Variants in CACNG7 observed in about 807,000 individuals in gnomAD.
CACNG7 encodes the protein voltage-dependent calcium channel gamma-7 subunit.
A neutral mutation model predicts 26.3 loss-of-function variants in CACNG7; 9 were observed. The observed-to-expected ratio is 0.34, with a 90% confidence interval of 0.21 to 0.60. The LOEUF (loss-of-function observed/expected upper bound fraction) is 0.60. CACNG7 is among the 20% of genes least tolerant of loss of function. The pLI is 0.81. For missense variants in CACNG7, 297 were observed against 380.4 expected, an observed-to-expected ratio of 0.78 and a Z score of 1.82; for synonymous variants, 170 against 157.0, an observed-to-expected ratio of 1.08 and a Z score of -0.62.
At chr19:53,921,417 T>C (rs1487950071) in intron 4 of CACNG7, among the ~76,000 whole-genome samples, 5 of 145,224 alleles carry the variant, frequency 3.4e-5, no homozygotes, top group African/African-American at 1.3e-4. Flanking sequence ...ATTGGTGGAG[T>C]TGCCCCAGGC....
rs1257740186 is a variant in CACNG7, at chr19:53,939,409, C to T, written c.425-2061C>T. On this transcript the variant is annotated intron_variant, in intron 4 of 5. Transcript: ENST00000391767. The surrounding 1 kb of genome is among the most constrained non-coding windows in gnomAD (Gnocchi z 4.2). ...CATTTTCATTATTCTCAAAAGAAACCTCACACACCTTAGCAGCCAGACACA... is the reference window on the plus strand; with the variant it reads ...CATTTTCATTATTCTCAAAAGAAACTTCACACACCTTAGCAGCCAGACACA... Among the ~76,000 whole-genome samples, 1 of 152,126 alleles carries T rather than the reference C, an allele frequency of 6.6e-6. No individual in the cohort carries two copies. Among genetic ancestry groups the T allele is most frequent in the Admixed American group, 6.6e-5 (1 of 15,266 alleles).
intron 4 of CACNG7, among the ~76,000 whole-genome samples, chr19:53,936,788 T>C (rs1242254360): frequency 1.3e-5 from 2 of 152,148 alleles, no homozygotes; most frequent in African/African-American, 4.8e-5. Flanking sequence ...TTTGTATTTT[T>C]AGTAGAGATC....
At chr19:53,921,363 C>T (rs867331736) in intron 4 of CACNG7, among the ~76,000 whole-genome samples, 48 of 86,890 alleles carry the variant, frequency 5.5e-4, no homozygotes, top group South Asian at 1.6e-3. Flanking sequence ...TTGGTGGAGT[C>T]GTCCCCAGGT....
intron 4 of CACNG7, among the ~76,000 whole-genome samples, chr19:53,933,965 T>G (rs1334728843): frequency 1.3e-5 from 2 of 152,150 alleles, no homozygotes; most frequent in Non-Finnish European, 2.9e-5. Flanking sequence ...TGGCGCAATC[T>G]CAGCTCATTG....
intron 4 of CACNG7, among the ~76,000 whole-genome samples, chr19:53,919,921 T>C (rs1282063799): frequency 8.6e-6 from 1 of 116,846 alleles, no homozygotes; most frequent in African/African-American, 3.7e-5. Flanking sequence ...ATTGGTGGAG[T>C]TGTCCCCAGG....
chr19:53,920,214 GTTGCCCCAGGCTGGTCATTGGTGGAC>G (rs2068931578), intron 4 of CACNG7, among the ~76,000 whole-genome samples: 1 of 46,714 alleles, frequency 2.1e-5, no homozygotes, highest in Non-Finnish European at 3.6e-5. Context: ...CATTGGTGGA[GTTGCCCCAGGCTGGTCATTGGTGGAC>G]TTGCCCCAGG....
intron 4 of CACNG7, among the ~76,000 whole-genome samples, chr19:53,925,487 G>A (rs2069021551): frequency 6.7e-6 from 1 of 150,002 alleles, no homozygotes; most frequent in African/African-American, 2.5e-5. Flanking sequence ...GCCCCAGGCT[G>A]GTCATTGGTG....
At chr19:53,923,656 CCCCAGGTCTGGTCATTGGTGGAGTTGT>C (rs2068988540) in intron 4 of CACNG7, among the ~76,000 whole-genome samples, 1 of 130,818 alleles carries the variant, frequency 7.6e-6, no homozygotes, top group Non-Finnish European at 1.6e-5. Context: ...GGTGCAGTTG[CCCCAGGTCTGGTCATTGGTGGAGTTGT>C]CCCAGGCCTG....
At chr19:53,910,264 C>T (rs1299139399) in intron 1 of CACNG7, among the ~76,000 whole-genome samples, 1 of 151,504 alleles carries the variant, frequency 6.6e-6, no homozygotes, top group African/African-American at 2.4e-5. Flanking sequence ...GGGGACCAGG[C>T]AGCTCGCGGT....
intron 5 of CACNG7, among the ~76,000 whole-genome samples, 169 bp from the exon 6 acceptor site, chr19:53,941,867 T>TGGACTCCTGAGGTCCC (rs1452750456): frequency 3.3e-5 from 5 of 151,712 alleles, no homozygotes; most frequent in African/African-American, 1.2e-4. Flanking sequence ...CCTGAGGGCT[T>TGGACTCCTGAGGTCCC]GGACTCCTGA....
At chr19:53,920,936 C>G (rs1209140347) in intron 4 of CACNG7, among the ~76,000 whole-genome samples, 23 of 86,082 alleles carry the variant, frequency 2.7e-4, no homozygotes, top group South Asian at 4.1e-4. Context: ...CATTGGTGGA[C>G]TTGCCCCAGG....
At position 53,939,142 on chromosome 19, in the gene CACNG7, C is replaced by T. The variant is rs2069122898; in HGVS notation, c.425-2328C>T. The stretch of plus-strand genomic sequence containing the variant: ...CATGGTGGCGGGTGCCTGTTAATTC[C>T]AGCTACGCAGGAGGCTGAGGCAGGA... On this transcript the variant is annotated intron_variant, in intron 4 of 5. Coordinates refer to ENST00000391767, the MANE Select transcript of CACNG7 (RefSeq NM_031896.5). This position sits in a 1 kb window ranked among gnomAD's most constrained non-coding sequence, Gnocchi z 4.2. 6.6e-6 allele frequency among the ~76,000 whole-genome samples: 1 copy of T among 152,088 alleles called. No individual in the cohort carries two copies. Among genetic ancestry groups the T allele is most frequent in the Admixed American group, 6.6e-5 (1 of 15,246 alleles).
At position 53,940,354 on chromosome 19, in the gene CACNG7, A is replaced by G. The variant is rs2069130016; in HGVS notation, c.425-1116A>G. Among the ~76,000 whole-genome samples, 1 of 152,198 alleles carries G rather than the reference A, an allele frequency of 6.6e-6. No individual in the cohort carries two copies. The highest frequency in any genetic ancestry group is 2.4e-5 in the African/African-American group (1 of 41,448). ...CAACACCAAGAACAGTGCCTGGCAC[A>G]GACCAAGACCTATATAAGTCGTTGC... On this transcript the variant is annotated intron_variant, in intron 4 of 5. Coordinates refer to ENST00000391767, the MANE Select transcript of CACNG7 (RefSeq NM_031896.5). The surrounding 1 kb of genome is among the most constrained non-coding windows in gnomAD (Gnocchi z 4.1).
In CACNG7 at chr19:53,942,652, C is replaced by T; in HGVS notation, c.*359C>T. 1.0e-6 allele frequency: 1 copy of T among 970,746 alleles called. No homozygotes were observed. Among genetic ancestry groups the T allele is most frequent in the Non-Finnish European group, 1.3e-6 (1 of 776,466 alleles). The allele number at this position is 970,746 out of a possible 1,614,324, so 60.1% of individuals were successfully genotyped here. On this transcript the variant is annotated 3_prime_UTR_variant, in exon 6 of 6. Coordinates refer to ENST00000391767, the MANE Select transcript of CACNG7 (RefSeq NM_031896.5). This position sits in a 1 kb window ranked among gnomAD's most constrained non-coding sequence, Gnocchi z 5.9. ...CCAGAGGCGGTGCAAGCGCCCAGCT[C>T]CCCAGAGCTCCCCAACCTCGGACCT...
intron 4 of CACNG7, among the ~76,000 whole-genome samples, chr19:53,927,060 C>T (rs1214629222): frequency 1.3e-5 from 2 of 152,022 alleles, no homozygotes; most frequent in Admixed American, 1.3e-4. Context: ...GCTGGGATTA[C>T]AGGCACCTGC....
At chr19:53,917,797 G>A (rs952749278) in intron 4 of CACNG7, among the ~76,000 whole-genome samples, 9 of 151,914 alleles carry the variant, frequency 5.9e-5, no homozygotes, top group Admixed American at 1.3e-4. Context: ...CATTGTTTGC[G>A]GTTCACAGGA....
At chr19:53,941,667 G>A in intron 5 of CACNG7, 52 bp downstream of exon 5, 2 of 1,579,158 alleles carry the variant, frequency 1.3e-6, no homozygotes, top group Non-Finnish European at 1.7e-6. Context: ...AGAGGTCTTG[G>A]GGGCCTGGTT....
intron 4 of CACNG7, among the ~76,000 whole-genome samples, chr19:53,928,074 GAGA>G (rs386810817): frequency 8.1e-6 from 1 of 124,196 alleles, no homozygotes. Context: ...GAAGGGAGGG[GAGA>G]AAAAGAGAAA....
In CACNG7 at chr19:53,913,039, AC is replaced by A; in HGVS notation, c.196+15del. The A allele has an allele frequency of 6.2e-7, 1 of 1,601,672 alleles. No individual in the cohort carries two copies. Among genetic ancestry groups the A allele is most frequent in the Non-Finnish European group, 8.5e-7 (1 of 1,170,632 alleles). ...CTGCTTCTTTGCAGGTACAGCCCTCACCCGTCTTCCACTCAACAGTTTCTGC... is the reference window on the plus strand; with the variant it reads ...CTGCTTCTTTGCAGGTACAGCCCTCACCGTCTTCCACTCAACAGTTTCTGC... On this transcript the variant is annotated intron_variant, in intron 2 of 5. Coordinates refer to ENST00000391767, the MANE Select transcript of CACNG7 (RefSeq NM_031896.5).
Sources: allele counts gnomAD v4.1 joint callset (sites outside exome capture counted in the v4.1 genomes callset), GRCh38; gene constraint gnomAD v4.1.1; non-coding constraint Gnocchi (gnomAD v3.1); transcripts MANE v1.5; gene names NCBI Gene and HGNC (gene_info 2026-07-23, HGNC 2026-07-21).